The following CNTN3 variants were observed in gnomAD, a reference collection of about 807,000 sequenced individuals.
CNTN3 encodes contactin-3.
Under a neutral mutation model 119.1 loss-of-function variants are expected in CNTN3, and 60 were observed. That is an observed-to-expected ratio of 0.50 (90% CI 0.41 to 0.62). The LOEUF (loss-of-function observed/expected upper bound fraction) is 0.62. Among genes scored for constraint, CNTN3 ranks in the 20% least tolerant of loss-of-function variants. The probability of loss-of-function intolerance (pLI) is 0.00; values close to 1 mark genes in which losing one functional copy is unlikely to be tolerated. For synonymous variants in CNTN3, 450 were observed against 438.7 expected (o/e 1.03, Z -0.32); for missense variants, 1,101 against 1,242.4 (o/e 0.89, Z 1.71).
chr3:74,429,702 G>T (rs557222147), intron 4 of CNTN3, among the ~76,000 whole-genome samples: 1 of 152,156 alleles, frequency 6.6e-6, no homozygotes, highest in East Asian at 1.9e-4. Context: ...GTAAAGAAAA[G>T]CTACAGACTG....
chr3:74,314,761 A>T (rs546817104), intron 13 of CNTN3, among the ~76,000 whole-genome samples: 1 of 152,236 alleles, frequency 6.6e-6, no homozygotes, highest in Non-Finnish European at 1.5e-5. Context: ...AAACAAGTAA[A>T]GACTTAGTTG....
chr3:74,285,655 G>C (rs547363744), intron 19 of CNTN3, among the ~76,000 whole-genome samples, 164 bp from the exon 20 acceptor site: 1 of 151,652 alleles, frequency 6.6e-6, no homozygotes, highest in African/African-American at 2.4e-5. Flanking sequence ...GTGTGTCACA[G>C]CAGTGAAGAT....
chr3:74,536,720 G>C (rs970721150), intron 1 of CNTN3, among the ~76,000 whole-genome samples: 1 of 152,118 alleles, frequency 6.6e-6, no homozygotes, highest in African/African-American at 2.4e-5. Context: ...GACATTTGGA[G>C]ACATTTTATT....
chr3:74,391,211 T>C (rs1033271931), intron 5 of CNTN3, among the ~76,000 whole-genome samples: 1 of 152,152 alleles, frequency 6.6e-6, no homozygotes, highest in African/African-American at 2.4e-5. Flanking sequence ...AATGGGAGTT[T>C]TTCAGATTAA....
intron 1 of CNTN3, among the ~76,000 whole-genome samples, chr3:74,543,588 T>C (rs955190919): frequency 2.6e-5 from 4 of 152,160 alleles, no homozygotes; most frequent in South Asian, 2.1e-4. Flanking sequence ...TCACTGAAAA[T>C]ACTACATATT....
At chr3:74,380,144 TC>T in intron 5 of CNTN3, among the ~76,000 whole-genome samples, 1 of 152,294 alleles carries the variant, frequency 6.6e-6, no homozygotes, top group South Asian at 2.1e-4. Flanking sequence ...ATTTTCAGTA[TC>T]AAAATGTACC....
At chr3:74,447,420 G>A (rs895725906) in intron 4 of CNTN3, among the ~76,000 whole-genome samples, 2 of 152,160 alleles carry the variant, frequency 1.3e-5, no homozygotes, top group South Asian at 2.1e-4. Flanking sequence ...TAATCCATAT[G>A]GGTCCCCTGG....
At chr3:74,420,994 C>T (rs558289440) in intron 5 of CNTN3, among the ~76,000 whole-genome samples, 6 of 152,254 alleles carry the variant, frequency 3.9e-5, no homozygotes, top group Admixed American at 6.5e-5. Flanking sequence ...ACGCTCTTAG[C>T]ATCTGCAGGC....
intron 1 of CNTN3, among the ~76,000 whole-genome samples, chr3:74,544,134 G>C (rs182016032): frequency 3.3e-5 from 5 of 152,140 alleles, no homozygotes; most frequent in African/African-American, 7.2e-5. Flanking sequence ...CACAGACCAC[G>C]AGGCAGAAAA....
At chr3:74,270,143 C>A (rs1701742399) in intron 20 of CNTN3, among the ~76,000 whole-genome samples, 1 of 152,164 alleles carries the variant, frequency 6.6e-6, no homozygotes, top group Admixed American at 6.6e-5. Flanking sequence ...CTCTGCCTAG[C>A]TCTCACTGAT....
chr3:74,295,424 CA>C (rs1168483552), intron 18 of CNTN3, among the ~76,000 whole-genome samples, 188 bp from the exon 19 acceptor site: 2 of 152,148 alleles, frequency 1.3e-5, no homozygotes, highest in African/African-American at 4.8e-5. Context: ...GCATCATAGC[CA>C]AAGGCTTTTC....
At chr3:74,486,667 A>C (rs2107044596) in intron 3 of CNTN3, 36 bp from the exon 4 acceptor site, 1 of 1,472,670 alleles carries the variant, frequency 6.8e-7, no homozygotes, top group East Asian at 2.5e-5. Flanking sequence ...CCCCCTTAGT[A>C]TTTTTAACTT....
intron 1 of CNTN3, among the ~76,000 whole-genome samples, chr3:74,582,752 G>C (rs2106670697): frequency 6.6e-6 from 1 of 151,504 alleles, no homozygotes; most frequent in South Asian, 2.1e-4. Flanking sequence ...TGCAACCACT[G>C]TGGATACCCA....
chr3:74,268,785 C>A (rs952828329), intron 20 of CNTN3, among the ~76,000 whole-genome samples: 4 of 152,058 alleles, frequency 2.6e-5, no homozygotes, highest in African/African-American at 9.7e-5. Context: ...GCCAGTGATA[C>A]CCTGTGGCCT....
chr3:74,402,930 G>T (rs10865682), intron 5 of CNTN3, among the ~76,000 whole-genome samples: 62,425 of 151,870 alleles, frequency 0.41, 13,230 homozygotes, highest in East Asian at 0.68. Context: ...CACTGGGCAT[G>T]GTGCTCTGAG....
intron 1 of CNTN3, among the ~76,000 whole-genome samples, chr3:74,552,502 T>C (rs1430172209): frequency 6.6e-6 from 1 of 152,206 alleles, no homozygotes; most frequent in South Asian, 2.1e-4. Context: ...GTAATATATG[T>C]GTGGTGACAT....
At chr3:74,341,632 G>A (rs1005083359) in intron 11 of CNTN3, among the ~76,000 whole-genome samples, 2 of 152,072 alleles carry the variant, frequency 1.3e-5, no homozygotes, top group Non-Finnish European at 2.9e-5. Context: ...TTTGGGATAA[G>A]TAAATGTAAT....
Position 74,299,848 on chromosome 3 carries a change from G to A in CNTN3, c.2166+20C>T. On this transcript the variant is annotated intron_variant, in intron 17 of 22. Coordinates refer to ENST00000263665, the MANE Select transcript of CNTN3 (RefSeq NM_020872.3). ...GGAACAGCAAGACCCTGATGGGGAA[G>A]ATGCTGCCCAAACACTTACATCCCA... The A allele has an allele frequency of 6.3e-7, 1 of 1,597,384 alleles. No homozygotes were observed. Among genetic ancestry groups the A allele is most frequent in the Non-Finnish European group, 8.5e-7 (1 of 1,170,688 alleles).
chr3:74,334,340 G>C (rs1194887354), intron 13 of CNTN3, among the ~76,000 whole-genome samples: 2 of 152,128 alleles, frequency 1.3e-5, no homozygotes, highest in Non-Finnish European at 2.9e-5. Flanking sequence ...ACCCTGGCCT[G>C]ACACATTAAT....
Sources: gnomAD v4.1 joint callset for allele counts (sites outside exome capture counted in the v4.1 genomes callset) on GRCh38, gnomAD v4.1.1 for gene constraint, MANE v1.5 for transcripts, NCBI Gene and HGNC (gene_info 2026-07-23, HGNC 2026-07-21) for gene names.